The following RAB31 variants were observed in gnomAD, a reference collection of about 807,000 sequenced individuals.
The protein encoded by RAB31 is ras-related protein Rab-31.
RAB31 carries 21 observed loss-of-function variants against 25.6 expected under a neutral mutation model. That is an observed-to-expected ratio of 0.82 (90% CI 0.58 to 1.18). The LOEUF is 1.18. Ranked by LOEUF, RAB31 falls within the 50% of genes most tolerant of loss-of-function variation. The pLI, the probability that RAB31 is intolerant of heterozygous loss-of-function variation, is 0.00. For synonymous variants in RAB31, 87 were observed against 84.0 expected (o/e 1.04, Z -0.20); for missense variants, 196 against 250.1 (o/e 0.78, Z 1.46).
At chr18:9,823,538 G>A (rs375385254) in intron 5 of RAB31, among the ~76,000 whole-genome samples, 1 of 152,220 alleles carries the variant, frequency 6.6e-6, no homozygotes, top group East Asian at 1.9e-4. Context: ...ATGAGAAATC[G>A]CTTGGTACTG....
rs537350907 is a variant in RAB31, at chr18:9,832,499, A to G, written c.381-13083A>G. Among the ~76,000 whole-genome samples, 17 of 152,340 alleles carry G rather than the reference A, an allele frequency of 1.1e-4. No individual in the cohort carries two copies. In the South Asian group the frequency reaches 3.1e-3, roughly 28 times the overall value. On this transcript the variant is annotated intron_variant, in intron 5 of 6. Coordinates refer to ENST00000578921, the MANE Select transcript of RAB31 (RefSeq NM_006868.4). ...CAACCTGCAGAGCTGCCTGGCCAAG[A>G]AATTACGAGACGGAAGCAACGCTTG...
intron 5 of RAB31, among the ~76,000 whole-genome samples, chr18:9,833,340 C>T (rs745399895): frequency 2.0e-5 from 3 of 152,102 alleles, no homozygotes; most frequent in South Asian, 2.1e-4. Flanking sequence ...CACAGGGGCC[C>T]GGAAGTGTCA....
At chr18:9,828,915 ATG>A (rs984981824) in intron 5 of RAB31, among the ~76,000 whole-genome samples, 52 of 152,240 alleles carry the variant, frequency 3.4e-4, no homozygotes, top group African/African-American at 1.2e-3. Context: ...TGCTGTTAAA[ATG>A]TGTGTGCTCT....
At chr18:9,824,079 C>A (rs147320668) in intron 5 of RAB31, among the ~76,000 whole-genome samples, 1 of 152,324 alleles carries the variant, frequency 6.6e-6, no homozygotes, top group East Asian at 1.9e-4. Flanking sequence ...AGAGCTTGAC[C>A]TTCTTTTACT....
rs568869978 is a variant in RAB31, at chr18:9,827,632, C to G, written c.380+12410C>G. ...GAAACATTGGGAGGGATGGGTGGGA[C>G]TGCTGCCAGGGAGTCCAGAATTCCT... On this transcript the variant is annotated intron_variant, in intron 5 of 6. Coordinates refer to ENST00000578921, the MANE Select transcript of RAB31 (RefSeq NM_006868.4). 3.3e-3 allele frequency among the ~76,000 whole-genome samples: 495 copies of G among 152,266 alleles called. 3 individuals are homozygous for G. Among genetic ancestry groups the G allele is most frequent in the Non-Finnish European group, 6.1e-3 (415 of 68,018 alleles).
chr18:9,860,648 T>A lies in RAB31; in HGVS notation c.*1323T>A, dbSNP rs2068842394. 8.9e-6 allele frequency: 1 copy of A among 112,394 alleles called. No homozygotes were observed. Among genetic ancestry groups the A allele is most frequent in the African/African-American group, 3.6e-5 (1 of 27,626 alleles). The allele number at this position is 112,394 out of a possible 1,614,324, so 7.0% of individuals were successfully genotyped here. On this transcript the variant is annotated 3_prime_UTR_variant, in exon 7 of 7. Coordinates refer to ENST00000578921, the MANE Select transcript of RAB31 (RefSeq NM_006868.4). Reference sequence around the variant, plus strand: ...GCTGATTTCCTGCCAGGGCTTATATTAGGGGGTGATTCTTAAAGGACATTA... The same window carrying A: ...GCTGATTTCCTGCCAGGGCTTATATAAGGGGGTGATTCTTAAAGGACATTA...
intron 2 of RAB31, among the ~76,000 whole-genome samples, chr18:9,788,487 G>A (rs2145498295): frequency 6.6e-6 from 1 of 152,338 alleles, no homozygotes; most frequent in South Asian, 2.1e-4. Flanking sequence ...ATGGAAGACA[G>A]TATGGAGGTT....
chr18:9,787,100 A>G (rs1265043897), intron 2 of RAB31: 1 of 216,894 alleles, frequency 4.6e-6, no homozygotes, highest in Non-Finnish European at 1.0e-5. Flanking sequence ...GGGAAAATTT[A>G]TGAATGTCGT....
intron 5 of RAB31, among the ~76,000 whole-genome samples, chr18:9,840,468 G>T (rs753362723): frequency 6.6e-6 from 1 of 152,134 alleles, no homozygotes; most frequent in African/African-American, 2.4e-5. Flanking sequence ...CTGCATCATG[G>T]GTCTGTGCAG....
chr18:9,771,348 C>T (rs1229896145), intron 1 of RAB31, among the ~76,000 whole-genome samples: 3 of 152,074 alleles, frequency 2.0e-5, no homozygotes, highest in Admixed American at 1.3e-4. Flanking sequence ...CTGGACAAGA[C>T]GGCCTGTGGT....
At chr18:9,722,188 G>A (rs1387493517) in intron 1 of RAB31, among the ~76,000 whole-genome samples, 1 of 152,204 alleles carries the variant, frequency 6.6e-6, no homozygotes, top group Non-Finnish European at 1.5e-5. Context: ...TTGGAATCAA[G>A]TGAGAGAGCT....
intron 3 of RAB31, among the ~76,000 whole-genome samples, chr18:9,809,314 A>G (rs2068558844): frequency 8.5e-6 from 1 of 118,300 alleles, no homozygotes; most frequent in Admixed American, 9.5e-5. Context: ...AGTTCTCTTC[A>G]CTTCCCCAAA....
chr18:9,777,596 T>TTG (rs576954225), intron 2 of RAB31, among the ~76,000 whole-genome samples: 3 of 151,776 alleles, frequency 2.0e-5, no homozygotes, highest in African/African-American at 4.8e-5. Flanking sequence ...ATTTTTCACT[T>TTG]TGTGTGTGTG....
chr18:9,775,483 C>CA (rs2145490943), intron 2 of RAB31, 126 bp downstream of exon 2: 1 of 1,482,320 alleles, frequency 6.7e-7, no homozygotes, highest in Non-Finnish European at 9.0e-7. Context: ...GAATCAATCC[C>CA]AGCTGTAGAC....
intron 1 of RAB31, among the ~76,000 whole-genome samples, chr18:9,735,949 G>A (rs2068148951): frequency 6.6e-6 from 1 of 152,126 alleles, no homozygotes; most frequent in Non-Finnish European, 1.5e-5. Flanking sequence ...GGATCCTCCT[G>A]CCTCATCCTC....
At chr18:9,852,026 A>C (rs2068791813) in intron 6 of RAB31, among the ~76,000 whole-genome samples, 1 of 151,856 alleles carries the variant, frequency 6.6e-6, no homozygotes, top group South Asian at 2.1e-4. Flanking sequence ...GGAAGGATAC[A>C]TATCAAAATG....
chr18:9,708,352 C>A lies in RAB31; in HGVS notation c.-54C>A. 1.4e-6 allele frequency: 2 copies of A among 1,396,288 alleles called. No homozygotes were observed. The highest frequency in any genetic ancestry group is 1.5e-5 in the South Asian group (1 of 68,006). 86.5% of individuals were successfully genotyped at this position (1,396,288 alleles called of 1,614,324 possible). A position where few individuals can be genotyped will look rare whatever the true frequency, so the allele number is the denominator to read the frequency against. ...GCGAGAGACGCCGGCGGGGCGCGGG[C>A]GCGGCGGCCCCGGAGGATGCTGCTG... On this transcript the variant is annotated 5_prime_UTR_variant, in exon 1 of 7. Transcript: ENST00000578921. This position sits in a 1 kb window ranked among gnomAD's most constrained non-coding sequence, Gnocchi z 6.4.
rs751486679 is a variant in RAB31 at position 9,859,336 on chromosome 18, G to A, written c.*11G>A. The A allele has an allele frequency of 3.8e-5, 61 of 1,597,944 alleles. No individual in the cohort carries two copies. The highest frequency in any genetic ancestry group is 3.3e-4 in the Middle Eastern group (2 of 6,050). ...CGCCGGTGCTGTTGACCCAAGGGCC[G>A]TGGTCCACGGTACTTGAAGAAGCCA... On this transcript the variant is annotated 3_prime_UTR_variant, in exon 7 of 7. Coordinates refer to ENST00000578921, the MANE Select transcript of RAB31 (RefSeq NM_006868.4).
chr18:9,831,071 C>T (rs2068675965), intron 5 of RAB31, among the ~76,000 whole-genome samples: 1 of 152,182 alleles, frequency 6.6e-6, no homozygotes, highest in African/African-American at 2.4e-5. Context: ...ACTGCACTAA[C>T]TTAATTACGA....
Sources: gnomAD v4.1 joint callset for allele counts (sites outside exome capture counted in the v4.1 genomes callset) on GRCh38, gnomAD v4.1.1 for gene constraint, Gnocchi (gnomAD v3.1) non-coding constraint, MANE v1.5 for transcripts, NCBI Gene and HGNC (gene_info 2026-07-23, HGNC 2026-07-21) for gene names.